ANKS1B: variants seen among roughly 807,000 people sequenced by gnomAD.
ANKS1B encodes the protein ankyrin repeat and sterile alpha motif domain-containing protein 1B.
In ANKS1B, 36 loss-of-function variants were observed where a neutral mutation model predicts 148.3. The observed-to-expected ratio is 0.24, with a 90% CI of 0.19 to 0.32. The LOEUF is 0.32. ANKS1B is among the 10% of genes least tolerant of loss of function. The pLI is 1.00. For synonymous variants in ANKS1B, 542 were observed against 560.8 expected, an observed-to-expected ratio of 0.97 and a Z score of 0.47; for missense variants, 1,157 against 1,542.6, an observed-to-expected ratio of 0.75 and a Z score of 4.19.
At chr12:99,777,928 G>A (rs148363355) in intron 6 of ANKS1B, among the ~76,000 whole-genome samples, 2,792 of 151,778 alleles carry the variant, frequency 0.018, 34 homozygotes, top group Middle Eastern at 0.048. Flanking sequence ...GCCGGGCACG[G>A]TAGCTCACGC....
Position 99,808,994 on chromosome 12 carries a change from G to A in ANKS1B, c.373-2294C>T, listed in dbSNP as rs139288178. Among the ~76,000 whole-genome samples, 82 of 152,144 alleles carry A rather than the reference G, an allele frequency of 5.4e-4. No individual in the cohort carries two copies. In the East Asian group the frequency reaches 0.015, roughly 28 times the overall value. ...TCCATGATCATCACATACTTGGATCGTCACCTCAGTGGACGCCACAACGGT... is the reference window on the plus strand; with the variant it reads ...TCCATGATCATCACATACTTGGATCATCACCTCAGTGGACGCCACAACGGT... On this transcript the variant is annotated intron_variant, in intron 3 of 26. Transcript: ENST00000683438.
rs980314140 is a variant in ANKS1B at position 98,737,924 on chromosome 12, A to G, written c.691-2290T>C. Among the ~76,000 whole-genome samples, 5 of 152,372 alleles carry G rather than the reference A, an allele frequency of 3.3e-5. 1 individual carries two copies. The East Asian group carries it at 9.6e-4, about 29-fold the overall frequency. ...TAACGAAGGAGAAAATGATTTTCTA[A>G]TAATTCTTAGTCTTTGAAGATTGTC... On this transcript the variant is annotated intron_variant, in intron 9 of 9. Coordinates refer to the ANKS1B transcript ENST00000341752.
At chr12:98,871,705 T>TA (rs887987686) in intron 17 of ANKS1B, among the ~76,000 whole-genome samples, 2 of 152,246 alleles carry the variant, frequency 1.3e-5, no homozygotes, top group Admixed American at 6.5e-5. Context: ...TTTTTTTAAT[T>TA]AAAAAAACCA....
intron 17 of ANKS1B, among the ~76,000 whole-genome samples, chr12:98,905,026 G>A (rs1005380164): frequency 1.2e-4 from 19 of 152,076 alleles, no homozygotes; most frequent in Admixed American, 6.5e-4. Flanking sequence ...GTTATAAGAC[G>A]CAAGTTATAA....
chr12:99,824,485 G>A (rs943764061), intron 2 of ANKS1B, among the ~76,000 whole-genome samples: 1 of 150,838 alleles, frequency 6.6e-6, no homozygotes, highest in African/African-American at 2.4e-5. Flanking sequence ...GGGCGAAGGA[G>A]TGAGACTCTG....
At chr12:98,739,047 A>G (rs535423028), downstream of ANKS1B, among the ~76,000 whole-genome samples, 1 of 152,280 alleles carries the variant, frequency 6.6e-6, no homozygotes, top group South Asian at 2.1e-4. Flanking sequence ...CAGTGCTGCA[A>G]GGTGTTATCT....
intron 4 of ANKS1B, among the ~76,000 whole-genome samples, chr12:99,784,385 G>C (rs112116082): frequency 0.012 from 1,875 of 152,086 alleles, 44 homozygotes; most frequent in African/African-American, 0.042. Context: ...TGTTAGCCAG[G>C]ATGGTCTCGA....
At chr12:99,252,837 A>G (rs1431105891) in intron 12 of ANKS1B, among the ~76,000 whole-genome samples, 7 of 152,242 alleles carry the variant, frequency 4.6e-5, no homozygotes, top group African/African-American at 1.7e-4. Context: ...AGTAGGCTAC[A>G]GATCCACTCT....
chr12:99,984,132 C>T lies in ANKS1B; in HGVS notation c.106G>A (p.Gly36Arg). Residue 36 changes from glycine (G) to arginine (R), a missense_variant, in exon 1 of 27, where the codon GGA becomes AGA. This residue lies in a region of ANKS1B where 164 missense variants were observed against 232.6 expected (regional missense o/e 0.71). Coordinates refer to ENST00000683438, the MANE Select transcript of ANKS1B (RefSeq NM_001352186.2). ...AGCAGATTAGACAGGGGCAGGGGTC[C>T]GGATCCACCGCCCAGGATCCCTCCT... ...RKGGILGGGS[G>R]PLPLSNLLSI... 1 of 1,613,672 alleles carries T rather than the reference C, an allele frequency of 6.2e-7. No homozygotes were observed. The highest frequency in any genetic ancestry group is 8.5e-7 in the Non-Finnish European group (1 of 1,179,728).
chr12:98,854,171 T>C (rs1285475856), intron 17 of ANKS1B, among the ~76,000 whole-genome samples: 1 of 152,160 alleles, frequency 6.6e-6, no homozygotes, highest in East Asian at 1.9e-4. Flanking sequence ...ATAAAAATAA[T>C]TGTGCAGACA....
At chr12:98,882,836 T>C (rs2099713902) in intron 17 of ANKS1B, among the ~76,000 whole-genome samples, 1 of 152,074 alleles carries the variant, frequency 6.6e-6, no homozygotes, top group African/African-American at 2.4e-5. Context: ...GAAGCCAAAA[T>C]GTATATTAAG....
intron 9 of ANKS1B, among the ~76,000 whole-genome samples, chr12:98,738,121 A>G (rs1360450231): frequency 6.6e-6 from 1 of 152,240 alleles, no homozygotes; most frequent in African/African-American, 2.4e-5. Context: ...GTCACATTTG[A>G]GACGTAGCAG....
At chr12:99,578,375 A>T (rs979537106) in intron 9 of ANKS1B, among the ~76,000 whole-genome samples, 4 of 152,286 alleles carry the variant, frequency 2.6e-5, no homozygotes, top group African/African-American at 9.6e-5. Context: ...AGGCAAGAGA[A>T]AGAAATAAAA....
intron 17 of ANKS1B, among the ~76,000 whole-genome samples, chr12:99,010,121 A>G (rs1312470699): frequency 1.3e-5 from 2 of 152,194 alleles, no homozygotes; most frequent in Non-Finnish European, 2.9e-5. Flanking sequence ...GTTCTCTGTC[A>G]TTCTTGGGAG....
At chr12:99,702,630 C>T (rs1343095803) in intron 8 of ANKS1B, among the ~76,000 whole-genome samples, 1 of 151,946 alleles carries the variant, frequency 6.6e-6, no homozygotes, top group Non-Finnish European at 1.5e-5. Context: ...GCAGCCTCAA[C>T]TTCCCAAGCT....
chr12:99,980,452 C>T (rs1048876355), intron 1 of ANKS1B, among the ~76,000 whole-genome samples: 31 of 152,092 alleles, frequency 2.0e-4, no homozygotes, highest in South Asian at 1.0e-3. Context: ...AGTGTTCAAA[C>T]AAACTTATTT....
intron 8 of ANKS1B, among the ~76,000 whole-genome samples, chr12:99,743,395 C>T (rs2060300640): frequency 6.6e-6 from 1 of 152,086 alleles, no homozygotes; most frequent in East Asian, 1.9e-4. Context: ...ACTTTGTCTC[C>T]ATTATGAATA....
At chr12:98,901,654 T>C (rs938165958) in intron 17 of ANKS1B, among the ~76,000 whole-genome samples, 2 of 152,230 alleles carry the variant, frequency 1.3e-5, no homozygotes, top group Non-Finnish European at 2.9e-5. Context: ...TGTTAGCATA[T>C]GTTAATAGAG....
intron 8 of ANKS1B, among the ~76,000 whole-genome samples, chr12:99,695,243 G>A (rs952512697): frequency 6.6e-6 from 1 of 152,198 alleles, no homozygotes; most frequent in Non-Finnish European, 1.5e-5. Flanking sequence ...GTTATCTGAT[G>A]TGGTCAAAGT....
Sources: allele counts gnomAD v4.1 joint callset (sites outside exome capture counted in the v4.1 genomes callset), GRCh38; gene constraint gnomAD v4.1.1; regional missense constraint gnomAD v4.1.1; transcripts MANE v1.5; gene names NCBI Gene and HGNC (gene_info 2026-07-23, HGNC 2026-07-21).